The following XYLT1 variants were observed in gnomAD, a reference collection of about 807,000 sequenced individuals.
XYLT1 encodes beta-D-xylosyltransferase 1.
XYLT1 carries 36 observed loss-of-function variants against 91.3 expected under a neutral mutation model. The observed-to-expected ratio is 0.39, with a 90% confidence interval of 0.30 to 0.52. XYLT1 has a LOEUF of 0.52. Among genes scored for constraint, XYLT1 ranks in the 20% least tolerant of loss-of-function variants. The pLI, the probability that XYLT1 is intolerant of heterozygous loss-of-function variation, is 0.68. For missense variants in XYLT1, 1,242 were observed against 1,284.5 expected (o/e 0.97, Z 0.51); for synonymous variants, 588 against 532.0 (o/e 1.11, Z -1.45).
intron 3 of XYLT1, among the ~76,000 whole-genome samples, chr16:17,236,674 AATCTATTCCAT>A (rs1232854684): frequency 6.6e-6 from 1 of 152,188 alleles, no homozygotes; most frequent in Non-Finnish European, 1.5e-5. Flanking sequence ...GAGAAGGAAG[AATCTATTCCAT>A]GCCTTTCTTC....
chr16:17,141,221 T>G lies in XYLT1; in HGVS notation c.1519A>C (p.Thr507Pro). The G allele has an allele frequency of 6.2e-7, 1 of 1,614,134 alleles. No individual in the cohort carries two copies. The highest frequency in any genetic ancestry group is 8.5e-7 in the Non-Finnish European group (1 of 1,180,026). The change falls in exon 7 of 12, where the codon ACC becomes CCC. Residue 507 changes from threonine to proline, a missense_variant. Thr to Pro is a conservative substitution (Grantham distance 38, BLOSUM62 -1). Around this residue, in one of 3 missense-constraint regions of XYLT1, gnomAD observed 294 missense variants for 376.0 expected, o/e 0.78. Transcript: ENST00000261381. ...LLNRRFVEYV[T>P]FSTDDLVTKM... ...GTCACCAGATCGTCTGTGGAGAAGG[T>G]CACATATTCTACAAACCTCCGGTTC...
chr16:17,218,079 GA>G (rs973531334), intron 3 of XYLT1, among the ~76,000 whole-genome samples: 3 of 152,010 alleles, frequency 2.0e-5, no homozygotes. Flanking sequence ...CCAACATGGT[GA>G]AACCTCATCT....
intron 6 of XYLT1, among the ~76,000 whole-genome samples, chr16:17,149,646 G>T (rs780030096): frequency 2.0e-5 from 3 of 152,196 alleles, no homozygotes; most frequent in Non-Finnish European, 2.9e-5. Context: ...TCAGGAAAGG[G>T]CAGTTTAGCT....
At chr16:17,377,594 C>T (rs1014207973) in intron 1 of XYLT1, among the ~76,000 whole-genome samples, 6 of 151,886 alleles carry the variant, frequency 4.0e-5, no homozygotes, top group Non-Finnish European at 8.8e-5. Context: ...GAAAGCTGGA[C>T]GACCCTGCCT....
intron 3 of XYLT1, among the ~76,000 whole-genome samples, chr16:17,217,125 C>G (rs2032875494): frequency 6.6e-6 from 1 of 152,188 alleles, no homozygotes; most frequent in Non-Finnish European, 1.5e-5. Context: ...GCACTGGGAT[C>G]TCAATAGATC....
chr16:17,432,020 G>T (rs1203081100), intron 1 of XYLT1, among the ~76,000 whole-genome samples: 1 of 152,084 alleles, frequency 6.6e-6, no homozygotes, highest in Admixed American at 6.5e-5. Context: ...AGATACCAAT[G>T]GTTGTATTTC....
intron 6 of XYLT1, among the ~76,000 whole-genome samples, chr16:17,158,133 A>G (rs2031456433): frequency 6.6e-6 from 1 of 152,238 alleles, no homozygotes; most frequent in Non-Finnish European, 1.5e-5. Context: ...CTTCCAGTTG[A>G]TGGACCATCA....
chr16:17,121,777 C>T (rs2030064233), intron 10 of XYLT1, among the ~76,000 whole-genome samples: 1 of 152,114 alleles, frequency 6.6e-6, no homozygotes, highest in South Asian at 2.1e-4. Flanking sequence ...AGTCCCCAAA[C>T]TCACTGTATC....
At chr16:17,267,235 G>T (rs1317024475) in intron 2 of XYLT1, among the ~76,000 whole-genome samples, 5 of 152,180 alleles carry the variant, frequency 3.3e-5, no homozygotes, top group African/African-American at 1.2e-4. Flanking sequence ...AAAGAAGGGG[G>T]TAAGAAGACC....
chr16:17,409,171 GA>G (rs2141909438), intron 1 of XYLT1, among the ~76,000 whole-genome samples: 2 of 152,316 alleles, frequency 1.3e-5, no homozygotes, highest in Admixed American at 6.5e-5. Flanking sequence ...TTCGACGCTA[GA>G]AAGAGTAACA....
intron 1 of XYLT1, among the ~76,000 whole-genome samples, chr16:17,458,383 CA>C (rs1596556808): frequency 6.6e-6 from 1 of 152,114 alleles, no homozygotes; most frequent in Non-Finnish European, 1.5e-5. Context: ...GAAGCAAATG[CA>C]CAGTGAATCC....
chr16:17,338,361 G>C (rs1223229103), intron 2 of XYLT1: 1 of 456,480 alleles, frequency 2.2e-6, no homozygotes, highest in Admixed American at 2.3e-5. Context: ...GCCTGTGCCT[G>C]CCTTATCAGT....
intron 1 of XYLT1, among the ~76,000 whole-genome samples, chr16:17,373,451 G>A (rs911969938): frequency 3.9e-5 from 6 of 152,210 alleles, no homozygotes; most frequent in Non-Finnish European, 8.8e-5. Flanking sequence ...CAATTCTACA[G>A]CCACAAAACT....
At chr16:17,216,792 G>C (rs746271940) in intron 3 of XYLT1, among the ~76,000 whole-genome samples, 89 of 152,174 alleles carry the variant, frequency 5.8e-4, no homozygotes, top group Non-Finnish European at 1.1e-3. Flanking sequence ...GTGAGTCCAA[G>C]CAAACTGATT....
At position 17,422,108 on chromosome 16, in the gene XYLT1, G is replaced by T. The variant is rs4781982; in HGVS notation, c.363+48326C>A. ...CGCCATTCTCCTGCCTCAGCCTCCCGAGTAGCTGGGACTACAGATGCCCAC... is the reference window on the plus strand; with the variant it reads ...CGCCATTCTCCTGCCTCAGCCTCCCTAGTAGCTGGGACTACAGATGCCCAC... On this transcript the variant is annotated intron_variant, in intron 1 of 11. Coordinates refer to ENST00000261381, the MANE Select transcript of XYLT1 (RefSeq NM_022166.4). Among the ~76,000 whole-genome samples, 427 of 151,956 alleles carry T rather than the reference G, an allele frequency of 2.8e-3. 4 individuals are homozygous for T. The highest frequency in any genetic ancestry group is 9.8e-3 in the African/African-American group (408 of 41,424).
At chr16:17,470,407 G>C in intron 1 of XYLT1, 27 bp downstream of exon 1, 2 of 1,225,050 alleles carry the variant, frequency 1.6e-6, no homozygotes, top group Middle Eastern at 2.6e-4. Flanking sequence ...CCCTCGCCGC[G>C]GGGCGCGAGC....
chr16:17,160,685 C>CT lies in XYLT1; in HGVS notation c.1290-1777dup, dbSNP rs369061616. Among the ~76,000 whole-genome samples, 506 of 152,280 alleles carry CT rather than the reference C, an allele frequency of 3.3e-3. 4 individuals carry two copies. Among genetic ancestry groups the CT allele is most frequent in the African/African-American group, 0.012 (482 of 41,546 alleles). ...GAACCCAGGGGATGCTCGCAAAGGG[C>CT]TAACCCCACGTGTCCCTACAATGGT... On this transcript the variant is annotated intron_variant, in intron 5 of 11. Coordinates refer to ENST00000261381, the MANE Select transcript of XYLT1 (RefSeq NM_022166.4).
intron 1 of XYLT1, among the ~76,000 whole-genome samples, chr16:17,455,201 G>A (rs72783562): frequency 0.19 from 29,531 of 151,866 alleles, 3,665 homozygotes; most frequent in African/African-American, 0.35. Flanking sequence ...GATCCCGGGG[G>A]CTGGTGGGCT....
intron 2 of XYLT1, among the ~76,000 whole-genome samples, chr16:17,336,283 G>A (rs1047534765): frequency 3.9e-5 from 6 of 152,222 alleles, no homozygotes; most frequent in African/African-American, 1.4e-4. Context: ...TAGTTAACAA[G>A]AAAAACAACA....
Sources: allele counts gnomAD v4.1 joint callset (sites outside exome capture counted in the v4.1 genomes callset), GRCh38; gene constraint gnomAD v4.1.1; regional missense constraint gnomAD v4.1.1; transcripts MANE v1.5; gene names NCBI Gene and HGNC (gene_info 2026-07-23, HGNC 2026-07-21).